Variants in TIAM1 observed in about 807,000 individuals in gnomAD.
TIAM1 encodes TIAM Rac1 associated GEF 1, also known as rho guanine nucleotide exchange factor TIAM1.
A neutral mutation model predicts 163.5 loss-of-function variants in TIAM1; 65 were observed. The ratio of observed to expected loss-of-function variants is 0.40; its 90% confidence interval spans 0.33 to 0.49. The LOEUF is 0.49. Among genes scored for constraint, TIAM1 ranks in the 20% least tolerant of loss-of-function variants. The pLI is 0.77. For synonymous variants in TIAM1, 833 were observed against 810.1 expected (o/e 1.03, Z -0.48); for missense variants, 1,789 against 2,044.7 (o/e 0.87, Z 2.41).
intron 4 of TIAM1, 36 bp from the exon 5 acceptor site, chr21:31,252,225 G>A (rs374781116): frequency 3.2e-6 from 5 of 1,578,710 alleles, no homozygotes; most frequent in Admixed American, 1.7e-5. Context: ...GAAGACAAGC[G>A]TCACGTGGAG....
intron 1 of TIAM1, among the ~76,000 whole-genome samples, chr21:31,499,558 TA>T (rs11380521): frequency 6.0e-5 from 9 of 149,508 alleles, no homozygotes; most frequent in East Asian, 1.9e-4. Context: ...AAATTAAGAC[TA>T]AAAAAAAAAA....
chr21:31,419,749 A>G (rs931092055), intron 2 of TIAM1, among the ~76,000 whole-genome samples: 3 of 152,220 alleles, frequency 2.0e-5, no homozygotes, highest in African/African-American at 7.2e-5. Flanking sequence ...AAGCAATTAA[A>G]TAAACTACAT....
chr21:31,372,653 G>A (rs2076615240), intron 2 of TIAM1, among the ~76,000 whole-genome samples: 1 of 152,182 alleles, frequency 6.6e-6, no homozygotes, highest in Admixed American at 6.5e-5. Flanking sequence ...TAGCTAGAGA[G>A]GCTATGTACC....
intron 2 of TIAM1, among the ~76,000 whole-genome samples, chr21:31,392,958 CT>C (rs34474331): frequency 0.57 from 78,531 of 138,936 alleles, 21,830 homozygotes; most frequent in African/African-American, 0.68. Context: ...AACCTGTCTT[CT>C]TTTTTTTTTT....
chr21:31,206,773 A>T (rs950669403), intron 11 of TIAM1, among the ~76,000 whole-genome samples: 15 of 152,206 alleles, frequency 9.9e-5, no homozygotes, highest in African/African-American at 3.6e-4. Flanking sequence ...ATTAAAATAG[A>T]TAACATGTCT....
intron 11 of TIAM1, among the ~76,000 whole-genome samples, chr21:31,205,861 AG>A (rs1248384908): frequency 1.3e-5 from 2 of 152,088 alleles, no homozygotes; most frequent in Non-Finnish European, 2.9e-5. Context: ...TAGGCTACTC[AG>A]GAAGTTGAGG....
chr21:31,468,458 G>A (rs1387853982), intron 1 of TIAM1, among the ~76,000 whole-genome samples: 5 of 151,594 alleles, frequency 3.3e-5, no homozygotes, highest in African/African-American at 1.2e-4. Flanking sequence ...ACTCCAGCCT[G>A]GACAACAAAG....
At chr21:31,446,089 C>T (rs530715377) in intron 2 of TIAM1, among the ~76,000 whole-genome samples, 14 of 152,124 alleles carry the variant, frequency 9.2e-5, no homozygotes, top group African/African-American at 3.1e-4. Context: ...TACAGGCACC[C>T]GCCACCACAC....
intron 2 of TIAM1, among the ~76,000 whole-genome samples, chr21:31,450,879 C>G (rs2044808661): frequency 6.6e-6 from 1 of 152,164 alleles, no homozygotes. Flanking sequence ...TTACCTCCCA[C>G]TGGGTCCCTT....
At chr21:31,236,029 CCT>C (rs1225819232) in intron 6 of TIAM1, among the ~76,000 whole-genome samples, 2 of 152,206 alleles carry the variant, frequency 1.3e-5, no homozygotes, top group African/African-American at 4.8e-5. Flanking sequence ...TCCAAGTCTC[CCT>C]CTGTCTCCTG....
intron 15 of TIAM1, among the ~76,000 whole-genome samples, chr21:31,171,132 T>C (rs1273007452): frequency 3.4e-5 from 5 of 147,848 alleles, no homozygotes; most frequent in Non-Finnish European, 7.4e-5. Context: ...GAGAAAGGAA[T>C]AGAATATTTG....
At chr21:31,472,776 TAAA>T (rs557183879) in intron 1 of TIAM1, among the ~76,000 whole-genome samples, 260 of 152,346 alleles carry the variant, frequency 1.7e-3, no homozygotes, top group African/African-American at 6.0e-3. Context: ...TCTCATCTGT[TAAA>T]TGGGGATAAT....
intron 6 of TIAM1, among the ~76,000 whole-genome samples, chr21:31,228,594 ATAC>A (rs2088200641): frequency 6.6e-6 from 1 of 152,222 alleles, no homozygotes; most frequent in Non-Finnish European, 1.5e-5. Flanking sequence ...ACACAATGAA[ATAC>A]TATACAGCAA....
intron 2 of TIAM1, among the ~76,000 whole-genome samples, chr21:31,361,837 T>TA (rs985053281): frequency 6.8e-6 from 1 of 147,596 alleles, no homozygotes; most frequent in Non-Finnish European, 1.5e-5. Flanking sequence ...GGAAGAAAGA[T>TA]TAGATAGATA....
intron 23 of TIAM1, among the ~76,000 whole-genome samples, chr21:31,131,679 C>A (rs144169413): frequency 6.6e-6 from 1 of 152,194 alleles, no homozygotes; most frequent in Non-Finnish European, 1.5e-5. Context: ...GTGACTGACT[C>A]CTGCCTGTCC....
intron 6 of TIAM1, among the ~76,000 whole-genome samples, chr21:31,228,253 AAAAAAAGG>A (rs2088174145): frequency 1.3e-5 from 1 of 77,290 alleles, no homozygotes. Flanking sequence ...AAAAAAAAAA[AAAAAAAGG>A]AAGGAAAAAA....
At chr21:31,263,400 T>A (rs1443883839) in intron 4 of TIAM1, among the ~76,000 whole-genome samples, 1 of 152,184 alleles carries the variant, frequency 6.6e-6, no homozygotes, top group Non-Finnish European at 1.5e-5. Flanking sequence ...CCCATTACAT[T>A]AAGCTGCCTA....
chr21:31,442,066 A>AAAAAAAAAAAATATAT (rs1202451553), intron 2 of TIAM1, among the ~76,000 whole-genome samples: 1 of 18,786 alleles, frequency 5.3e-5, no homozygotes, highest in African/African-American at 2.4e-4. Context: ...AGAACAAATA[A>AAAAAAAAAAAATATAT]ATAAATATAT....
At chr21:31,458,864 C>G (rs956039793) in intron 2 of TIAM1, among the ~76,000 whole-genome samples, 49 of 152,052 alleles carry the variant, frequency 3.2e-4, no homozygotes, top group Admixed American at 5.2e-4. Context: ...GAATGGCTAG[C>G]CAGGCAGAGC....
Sources: allele counts gnomAD v4.1 joint callset (sites outside exome capture counted in the v4.1 genomes callset), GRCh38; gene constraint gnomAD v4.1.1; transcripts MANE v1.5; gene names NCBI Gene and HGNC (gene_info 2026-07-23, HGNC 2026-07-21).